PARD3: variants seen among roughly 807,000 people sequenced by gnomAD.
PARD3 encodes the protein partitioning defective 3 homolog.
PARD3 carries 75 observed loss-of-function variants against 155.4 expected under a neutral mutation model. That is an observed-to-expected ratio of 0.48 (90% CI 0.40 to 0.58). The LOEUF (loss-of-function observed/expected upper bound fraction) is 0.58. Ranked by LOEUF, PARD3 falls within the 20% of genes least tolerant of loss-of-function variation. The probability of loss-of-function intolerance (pLI) is 0.00; values close to 1 mark genes in which losing one functional copy is unlikely to be tolerated. For missense variants in PARD3, 1,642 were observed against 1,721.7 expected, an observed-to-expected ratio of 0.95 and a Z score of 0.82; for synonymous variants, 576 against 610.5, an observed-to-expected ratio of 0.94 and a Z score of 0.83.
chr10:34,565,716 C>T (rs1205824274), intron 2 of PARD3, among the ~76,000 whole-genome samples: 2 of 152,132 alleles, frequency 1.3e-5, no homozygotes, highest in East Asian at 3.9e-4. Context: ...ATGGCATTCA[C>T]TTTTCAGATG....
intron 5 of PARD3, among the ~76,000 whole-genome samples, chr10:34,446,894 G>T (rs2076766508): frequency 6.6e-6 from 1 of 152,056 alleles, no homozygotes; most frequent in Non-Finnish European, 1.5e-5. Context: ...AAACATTTAT[G>T]ATTTCTTTCT....
At chr10:34,206,280 C>T (rs1951477695) in intron 22 of PARD3, among the ~76,000 whole-genome samples, 1 of 152,174 alleles carries the variant, frequency 6.6e-6, no homozygotes, top group Non-Finnish European at 1.5e-5. Context: ...CATTGCACAT[C>T]TTCAGCATAT....
intron 1 of PARD3, among the ~76,000 whole-genome samples, chr10:34,733,138 T>C (rs1052591522): frequency 1.3e-5 from 2 of 152,194 alleles, no homozygotes; most frequent in Non-Finnish European, 2.9e-5. Context: ...GTCTCACTAC[T>C]ACAATGAAAT....
chr10:34,675,563 T>C (rs1045845479), intron 2 of PARD3: 1 of 152,202 alleles, frequency 6.6e-6, no homozygotes, highest in African/African-American at 2.4e-5. Context: ...AGCTTCTCTT[T>C]TTTATTCCAT....
At chr10:34,257,205 T>C (rs1954698122) in intron 22 of PARD3, among the ~76,000 whole-genome samples, 1 of 152,230 alleles carries the variant, frequency 6.6e-6, no homozygotes, top group Admixed American at 6.5e-5. Context: ...TAGGGCTCGA[T>C]AAAGTCTCCC....
At position 34,617,179 on chromosome 10, in the gene PARD3, C is replaced by T. The variant is rs559088890; in HGVS notation, c.222+79139G>A. The stretch of plus-strand genomic sequence containing the variant: ...CTGAGGGAGGAGAATCACTTGAACA[C>T]GGGAGGTGGAGGCTGCAGTGAGCCG... On this transcript the variant is annotated intron_variant, in intron 2 of 24. Coordinates refer to ENST00000374788, the MANE Select transcript of PARD3 (RefSeq NM_001184785.2). Among the ~76,000 whole-genome samples the T allele has an allele frequency of 4.0e-5, 6 of 150,636 alleles. No homozygotes were observed. In the East Asian group the frequency reaches 5.9e-4, roughly 15 times the overall value.
chr10:34,447,070 A>T (rs2076777456), intron 5 of PARD3, among the ~76,000 whole-genome samples: 1 of 152,214 alleles, frequency 6.6e-6, no homozygotes, highest in Non-Finnish European at 1.5e-5. Flanking sequence ...AACTAAACAA[A>T]CACGTGGCTT....
At chr10:34,245,144 A>G (rs1256128345) in intron 22 of PARD3, among the ~76,000 whole-genome samples, 1 of 152,204 alleles carries the variant, frequency 6.6e-6, no homozygotes, top group Non-Finnish European at 1.5e-5. Context: ...CTTAGCAGAC[A>G]TACAAACTCT....
In PARD3 at chr10:34,347,777, T is replaced by C. The variant is rs1201956264; in HGVS notation, c.2218+188A>G. On this transcript the variant is annotated intron_variant, in intron 15 of 24. Coordinates refer to ENST00000374788, the MANE Select transcript of PARD3 (RefSeq NM_001184785.2). ...AAGTCACTTAAATCAATGGATTGAT[T>C]TACCTCTTCACATGAACACTTCCTG... Among the ~76,000 whole-genome samples the C allele has an allele frequency of 2.6e-5, 4 of 152,190 alleles. No individual in the cohort carries two copies. The East Asian group carries it at 7.7e-4, about 29-fold the overall frequency.
chr10:34,287,824 T>C (rs886406416), intron 20 of PARD3, among the ~76,000 whole-genome samples: 38 of 152,242 alleles, frequency 2.5e-4, no homozygotes, highest in Non-Finnish European at 5.1e-4. Flanking sequence ...TATTAAAATA[T>C]TAATTAGTTT....
chr10:34,313,309 T>C lies in PARD3; in HGVS notation c.3065+3798A>G, dbSNP rs143846022. Among the ~76,000 whole-genome samples, 255 of 152,344 alleles carry C rather than the reference T, an allele frequency of 1.7e-3. 1 individual carries two copies. Among genetic ancestry groups the C allele is most frequent in the African/African-American group, 5.5e-3 (230 of 41,594 alleles). On this transcript the variant is annotated intron_variant, in intron 20 of 24. Transcript: ENST00000374788. Reference sequence around the variant, plus strand: ...TGTAAGCACACTCAGGTTTCTTAGATACAAAGCCATTTTAATTAAGGTGAT... The same window carrying C: ...TGTAAGCACACTCAGGTTTCTTAGACACAAAGCCATTTTAATTAAGGTGAT...
intron 2 of PARD3, among the ~76,000 whole-genome samples, chr10:34,541,480 G>A (rs1415914678): frequency 6.6e-6 from 1 of 152,144 alleles, no homozygotes; most frequent in African/African-American, 2.4e-5. Flanking sequence ...TTCATAGGCA[G>A]CCTTCCATCT....
chr10:34,703,166 T>C (rs1299646624), intron 1 of PARD3, among the ~76,000 whole-genome samples: 1 of 151,746 alleles, frequency 6.6e-6, no homozygotes, highest in Non-Finnish European at 1.5e-5. Context: ...GTGAACTGCT[T>C]GAGGCCAGGA....
chr10:34,140,421 G>A (rs1948127060), intron 22 of PARD3, among the ~76,000 whole-genome samples: 1 of 152,218 alleles, frequency 6.6e-6, no homozygotes, highest in Non-Finnish European at 1.5e-5. Flanking sequence ...TGTGCCTCCT[G>A]TCACCTGTAT....
chr10:34,449,857 A>C (rs978818974), intron 5 of PARD3, among the ~76,000 whole-genome samples: 1 of 152,230 alleles, frequency 6.6e-6, no homozygotes, highest in African/African-American at 2.4e-5. Context: ...GTGCCCAAAC[A>C]TGACAAAATA....
At chr10:34,725,451 A>G (rs1046027412) in intron 1 of PARD3, among the ~76,000 whole-genome samples, 4 of 151,938 alleles carry the variant, frequency 2.6e-5, no homozygotes, top group African/African-American at 9.7e-5. Flanking sequence ...CACCACGCCC[A>G]GCCCAGTCAA....
At chr10:34,334,268 A>G (rs199697930) in intron 18 of PARD3, among the ~76,000 whole-genome samples, 8 of 148,916 alleles carry the variant, frequency 5.4e-5, no homozygotes, top group South Asian at 2.1e-4. Flanking sequence ...CTAAATATGG[A>G]AAAAAAAAGA....
chr10:34,471,914 T>C (rs2078374279), intron 3 of PARD3, among the ~76,000 whole-genome samples: 1 of 152,226 alleles, frequency 6.6e-6, no homozygotes, highest in Admixed American at 6.5e-5. Flanking sequence ...CTAGGAGGGA[T>C]ATTTTTGAAA....
Position 34,128,045 on chromosome 10 carries a change from T to A in PARD3, c.3540+3418A>T, listed in dbSNP as rs187302903. On this transcript the variant is annotated intron_variant, in intron 23 of 24. Transcript: ENST00000374788. ...ATAGTAATATTGTTGCAGAAGACAA[T>A]TAGAGATTTTCCAGGGAACTTGTTT... Among the ~76,000 whole-genome samples, 35 of 152,256 alleles carry A rather than the reference T, an allele frequency of 2.3e-4. No homozygotes were observed. In the East Asian group the frequency reaches 6.2e-3, roughly 27 times the overall value.
Sources: allele counts gnomAD v4.1 joint callset (sites outside exome capture counted in the v4.1 genomes callset), GRCh38; gene constraint gnomAD v4.1.1; transcripts MANE v1.5; gene names NCBI Gene and HGNC (gene_info 2026-07-23, HGNC 2026-07-21).